The following DIAPH2 variants were observed in gnomAD, a reference collection of about 807,000 sequenced individuals.
DIAPH2 encodes the protein protein diaphanous homolog 2.
A neutral mutation model predicts 92.7 loss-of-function variants in DIAPH2; 35 were observed. That is an observed-to-expected ratio of 0.38 (90% CI 0.29 to 0.50). The LOEUF (loss-of-function observed/expected upper bound fraction) is 0.50, where lower values mean the gene tolerates loss of function less well. DIAPH2 is among the 20% of genes least tolerant of loss of function. The pLI is 0.94. For synonymous variants in DIAPH2, 301 were observed against 280.4 expected (o/e 1.07, Z -0.73); for missense variants, 701 against 819.5 (o/e 0.86, Z 1.77).
rs1231135002 is a variant in DIAPH2, at chrX:96,746,177, G to A, written c.342+7415G>A. ...TGGCCTCCAAAGTGCTGGGATTATAGGTATGAGCCACGGCACCTGGCTTTG... is the reference window on the plus strand; with the variant it reads ...TGGCCTCCAAAGTGCTGGGATTATAAGTATGAGCCACGGCACCTGGCTTTG... On this transcript the variant is annotated intron_variant, in intron 3 of 26. Coordinates refer to ENST00000324765, the MANE Select transcript of DIAPH2 (RefSeq NM_006729.5). 5.4e-5 allele frequency among the ~76,000 whole-genome samples: 6 copies of A among 111,796 alleles called. No individual in the cohort carries two copies. The East Asian group carries it at 1.4e-3, about 26-fold the overall frequency.
chrX:96,884,917 G>A, intron 5 of DIAPH2: 1 of 1,211,247 alleles, frequency 8.3e-7, no homozygotes, highest in East Asian at 3.0e-5. Flanking sequence ...TTTCATCCAG[G>A]ACGAAGTGCT....
chrX:96,985,945 G>T (rs1480125068), intron 17 of DIAPH2, among the ~76,000 whole-genome samples: 2 of 110,826 alleles, frequency 1.8e-5, no homozygotes, highest in Admixed American at 1.9e-4. Flanking sequence ...ATGCTTCTTT[G>T]ACTGAAAGGA....
At position 96,717,073 on chromosome X, in the gene DIAPH2, TTTC is replaced by T. The variant is rs201332487; in HGVS notation, c.133-18677_133-18675del. ...AAATATTTTCTAATTTCTCTTCTGA[TTTC>T]TTCTTCTACCGATCGTTTACTTAGA... is the stretch of plus-strand genomic sequence containing the variant. On this transcript the variant is annotated intron_variant, in intron 1 of 26. Transcript: ENST00000324765. Among the ~76,000 whole-genome samples, 954 of 112,162 alleles carry T rather than the reference TTTC, an allele frequency of 8.5e-3. 10 individuals are homozygous for T. The highest frequency in any genetic ancestry group is 0.029 in the African/African-American group (902 of 30,905).
At chrX:96,915,285 GTC>G (rs766750663) in intron 7 of DIAPH2, among the ~76,000 whole-genome samples, 2 of 110,793 alleles carry the variant, frequency 1.8e-5, no homozygotes, top group East Asian at 5.6e-4. Flanking sequence ...CGTGGTCATT[GTC>G]TCTCAGTTTT....
intron 16 of DIAPH2, among the ~76,000 whole-genome samples, chrX:96,962,417 A>G (rs2065864501): frequency 1.7e-5 from 1 of 57,918 alleles, no homozygotes; most frequent in East Asian, 4.3e-4. Context: ...ATATATATAT[A>G]CACATATATA....
intron 5 of DIAPH2, among the ~76,000 whole-genome samples, chrX:96,909,209 C>T (rs2065453948): frequency 1.8e-5 from 2 of 111,930 alleles, no homozygotes; most frequent in African/African-American, 6.5e-5. Context: ...ATTTGGAGTG[C>T]ACACTTTGAG....
At chrX:96,874,238 C>A (rs1294018271) in intron 4 of DIAPH2, among the ~76,000 whole-genome samples, 2 of 111,839 alleles carry the variant, frequency 1.8e-5, no homozygotes, top group Non-Finnish European at 3.8e-5. Flanking sequence ...AGGATAAGAA[C>A]CCCTGACTTT....
intron 17 of DIAPH2, among the ~76,000 whole-genome samples, chrX:96,987,673 T>C (rs2066041632): frequency 1.8e-5 from 2 of 111,578 alleles, no homozygotes. Flanking sequence ...ATACACAGTG[T>C]TTTCCAAAGC....
chrX:96,953,721 A>G (rs2065791474), intron 15 of DIAPH2: 1 of 112,500 alleles, frequency 8.9e-6, no homozygotes, highest in African/African-American at 3.3e-5. Context: ...TCTCTTCCAC[A>G]TTAATCTTCG....
chrX:97,162,262 G>T lies in DIAPH2; in HGVS notation c.2719+20468G>T, dbSNP rs371154967. Among the ~76,000 whole-genome samples the T allele has an allele frequency of 2.1e-4, 23 of 111,092 alleles. No individual in the cohort carries two copies. In the East Asian group the frequency reaches 6.5e-3, roughly 32 times the overall value. Reference sequence around the variant, plus strand: ...AAAGACTTCGAAGCCAGACTTCCTAGATTCAAGTCATTTCTCTGCCACTTA... The same window carrying T: ...AAAGACTTCGAAGCCAGACTTCCTATATTCAAGTCATTTCTCTGCCACTTA... On this transcript the variant is annotated intron_variant, in intron 22 of 26. Coordinates refer to ENST00000324765, the MANE Select transcript of DIAPH2 (RefSeq NM_006729.5).
intron 26 of DIAPH2, among the ~76,000 whole-genome samples, chrX:97,445,917 A>G (rs1384347460): frequency 9.0e-6 from 1 of 110,537 alleles, no homozygotes; most frequent in Non-Finnish European, 1.9e-5. Flanking sequence ...TGGGGGGGAA[A>G]AAAAACCAAG....
intron 26 of DIAPH2, among the ~76,000 whole-genome samples, chrX:97,587,324 A>C (rs765723008): frequency 8.1e-5 from 9 of 111,312 alleles, no homozygotes; most frequent in Non-Finnish European, 1.5e-4. Flanking sequence ...TGCATCATTC[A>C]AGCCAGGCTG....
chrX:96,715,497 G>C (rs909469472), intron 1 of DIAPH2, among the ~76,000 whole-genome samples: 5 of 111,576 alleles, frequency 4.5e-5, no homozygotes, highest in Admixed American at 1.9e-4. Flanking sequence ...GACACTTGTT[G>C]CAATTCTTCA....
intron 5 of DIAPH2, among the ~76,000 whole-genome samples, chrX:96,892,197 C>G (rs1190358184): frequency 9.0e-6 from 1 of 111,657 alleles, no homozygotes; most frequent in Non-Finnish European, 1.9e-5. Context: ...GATCAATACT[C>G]TTAGAACATT....
At chrX:96,698,743 T>A (rs1162018838) in intron 1 of DIAPH2, among the ~76,000 whole-genome samples, 2 of 95,906 alleles carry the variant, frequency 2.1e-5, no homozygotes, top group Non-Finnish European at 4.4e-5. Context: ...TTTTTTTTTT[T>A]AAGAGATGAG....
intron 4 of DIAPH2, among the ~76,000 whole-genome samples, chrX:96,870,749 G>A (rs188056276): frequency 1.4e-3 from 151 of 111,733 alleles, no homozygotes; most frequent in Non-Finnish European, 2.4e-3. Flanking sequence ...AAAATGTTTA[G>A]AAGGCTAGCG....
intron 26 of DIAPH2, among the ~76,000 whole-genome samples, chrX:97,526,754 C>T (rs1478200100): frequency 1.8e-5 from 2 of 111,599 alleles, no homozygotes; most frequent in African/African-American, 6.5e-5. Flanking sequence ...TCCAAGTACT[C>T]TAAAATTCTC....
chrX:97,211,063 C>T (rs1449437987), intron 22 of DIAPH2, among the ~76,000 whole-genome samples: 1 of 111,649 alleles, frequency 9.0e-6, no homozygotes, highest in Non-Finnish European at 1.9e-5. Context: ...ATTAAAATCA[C>T]ACATAAAGTA....
At chrX:97,466,953 A>C (rs755627807) in intron 26 of DIAPH2, among the ~76,000 whole-genome samples, 1 of 112,452 alleles carries the variant, frequency 8.9e-6, no homozygotes, top group South Asian at 3.7e-4. Flanking sequence ...TTATGTAAGA[A>C]GTGAAAAGTA....
Sources: gnomAD v4.1 joint callset for allele counts (sites outside exome capture counted in the v4.1 genomes callset) on GRCh38, gnomAD v4.1.1 for gene constraint, MANE v1.5 for transcripts, NCBI Gene and HGNC (gene_info 2026-07-23, HGNC 2026-07-21) for gene names.